PCDHA3: variants seen among roughly 807,000 people sequenced by gnomAD.
The protein encoded by PCDHA3 is protocadherin alpha-3.
A neutral mutation model predicts 62.2 loss-of-function variants in PCDHA3; 41 were observed. The observed-to-expected ratio is 0.66, with a 90% CI of 0.51 to 0.86. The LOEUF is 0.86. PCDHA3 is among the 40% of genes least tolerant of loss of function. The pLI is 0.00. For missense variants in PCDHA3, 1,304 were observed against 1,241.2 expected, an observed-to-expected ratio of 1.05 and a Z score of -0.76; for synonymous variants, 640 against 555.4, an observed-to-expected ratio of 1.15 and a Z score of -2.14.
chr5:140,879,895 G>A (rs1176160335), intron 1 of PCDHA3, among the ~76,000 whole-genome samples: 2 of 152,112 alleles, frequency 1.3e-5, no homozygotes, highest in African/African-American at 4.8e-5. Context: ...TCCTCTCCAT[G>A]TCTCTCTCTA....
intron 1 of PCDHA3, among the ~76,000 whole-genome samples, chr5:140,887,165 C>T (rs1451761224): frequency 1.3e-5 from 2 of 151,306 alleles, no homozygotes; most frequent in Non-Finnish European, 2.9e-5. Flanking sequence ...GGCGTGATCT[C>T]GGCTCACTGC....
At chr5:140,966,267 G>T (rs141363782) in intron 1 of PCDHA3, 112 of 351,092 alleles carry the variant, frequency 3.2e-4, no homozygotes, top group Non-Finnish European at 4.7e-4. Context: ...GAGACTGGAT[G>T]AACTGGACAG....
chr5:140,835,158 A>G, intron 1 of PCDHA3: 1 of 1,455,544 alleles, frequency 6.9e-7, no homozygotes, highest in Non-Finnish European at 9.3e-7. Context: ...TTCTATCGGA[A>G]CGCTGGTGAT....
Position 140,883,704 on chromosome 5 carries a change from C to A in PCDHA3, c.2394+80113C>A, listed in dbSNP as rs782488934. The A allele has an allele frequency of 1.9e-5, 31 of 1,613,628 alleles. 1 individual carries two copies. In the Middle Eastern group the frequency reaches 5.0e-4, roughly 26 times the overall value. ...GGCTGCCACATCTTCACGGTGTCTG[C>A]TCAGGACGCGGACGCACAGGAGAAC... On this transcript the variant is annotated intron_variant, in intron 1 of 3. Transcript: ENST00000522353.
chr5:140,892,536 A>G (rs916916323), intron 1 of PCDHA3, among the ~76,000 whole-genome samples: 1 of 152,208 alleles, frequency 6.6e-6, no homozygotes, highest in African/African-American at 2.4e-5. Flanking sequence ...CAGGATTCTG[A>G]CTTTTGTTTC....
chr5:140,957,581 C>T (rs1396438252), intron 1 of PCDHA3, among the ~76,000 whole-genome samples: 3 of 152,066 alleles, frequency 2.0e-5, no homozygotes, highest in South Asian at 2.1e-4. Flanking sequence ...GTACTTTTAA[C>T]AAAGCACTTC....
chr5:140,966,957 C>T lies in PCDHA3; in HGVS notation c.2395-11992C>T, dbSNP rs868948639. 4 of 1,602,884 alleles carry T rather than the reference C, an allele frequency of 2.5e-6. No individual in the cohort carries two copies. The African/African-American group carries it at 4.0e-5, about 16-fold the overall frequency. ...GCGCTCGTGGGCAACGTGGCTCGCG[C>T]GCTGGGGCTTGAGCTGCGGCGCTTG... On this transcript the variant is annotated intron_variant, in intron 1 of 3. Transcript: ENST00000522353.
chr5:140,823,797 G>T lies in PCDHA3; in HGVS notation c.2394+20206G>T, dbSNP rs2150129232. 3 of 1,613,840 alleles carry T rather than the reference G, an allele frequency of 1.9e-6. No individual in the cohort carries two copies. The South Asian group carries it at 3.3e-5, about 18-fold the overall frequency. ...TGTCGCTGGTGGAAAGTGGCCAGGC[G>T]CCGAAGGCCTCATCGCGGGCGTCGG... On this transcript the variant is annotated intron_variant, in intron 1 of 3. Coordinates refer to ENST00000522353, the MANE Select transcript of PCDHA3 (RefSeq NM_018906.3).
chr5:140,877,233 G>A (rs1554169499), intron 1 of PCDHA3: 2 of 1,613,676 alleles, frequency 1.2e-6, no homozygotes, highest in Non-Finnish European at 8.5e-7. Flanking sequence ...CGGTGGGTGC[G>A]GGCCACGTGG....
At chr5:140,923,983 T>C (rs1180891950) in intron 1 of PCDHA3, among the ~76,000 whole-genome samples, 1 of 152,220 alleles carries the variant, frequency 6.6e-6, no homozygotes, top group African/African-American at 2.4e-5. Context: ...ACTATCCCTC[T>C]AGGTGCAGCT....
chr5:140,835,421 T>C (rs2150235406), intron 1 of PCDHA3: 2 of 1,613,844 alleles, frequency 1.2e-6, no homozygotes, highest in African/African-American at 1.3e-5. Context: ...TAAATGACAA[T>C]GCTCCACAGT....
intron 1 of PCDHA3, chr5:140,870,439 G>T (rs374343977): frequency 6.2e-7 from 1 of 1,614,244 alleles, no homozygotes; most frequent in African/African-American, 1.3e-5. Context: ...GGAGGTGGCC[G>T]ACGTGAACGA....
At chr5:140,906,278 C>A (rs546102354) in intron 1 of PCDHA3, among the ~76,000 whole-genome samples, 1 of 152,152 alleles carries the variant, frequency 6.6e-6, no homozygotes, top group Admixed American at 6.6e-5. Flanking sequence ...AGATAATCTT[C>A]AAATTAAGAC....
intron 1 of PCDHA3, among the ~76,000 whole-genome samples, chr5:140,904,904 C>G (rs1463349424): frequency 6.6e-6 from 1 of 151,948 alleles, no homozygotes; most frequent in Non-Finnish European, 1.5e-5. Context: ...GTTTTTCTTA[C>G]TGATTTGTTT....
intron 1 of PCDHA3, among the ~76,000 whole-genome samples, chr5:140,977,305 AC>A (rs1424604910): frequency 6.6e-6 from 1 of 152,258 alleles, no homozygotes; most frequent in African/African-American, 2.4e-5. Flanking sequence ...TGACAAGCTA[AC>A]GATAGTGCTC....
chr5:140,846,375 T>TC lies in PCDHA3; in HGVS notation c.2394+42784_2394+42785insC, dbSNP rs1272448180. Among the ~76,000 whole-genome samples, 317 of 125,476 alleles carry TC rather than the reference T, an allele frequency of 2.5e-3. 15 individuals carry two copies. The highest frequency in any genetic ancestry group is 0.01 in the African/African-American group (304 of 29,966). The allele number at this position is 125,476 out of a possible 152,430, so 82.3% of individuals were successfully genotyped here. A position where few individuals can be genotyped will look rare whatever the true frequency, so the allele number is the denominator to read the frequency against. On this transcript the variant is annotated intron_variant, in intron 1 of 3. Transcript: ENST00000522353. ...TTTTTCTTTTCTTTTCTTTCTTTCT[T>TC]TTTTTTTTTTTTTTTTTGAGACGGA...
chr5:140,985,021 T>A (rs2097132867), intron 3 of PCDHA3, among the ~76,000 whole-genome samples: 1 of 151,956 alleles, frequency 6.6e-6, no homozygotes, highest in African/African-American at 2.4e-5. Flanking sequence ...CACAGCAACC[T>A]CTGCCTCCTG....
intron 3 of PCDHA3, among the ~76,000 whole-genome samples, chr5:140,998,707 A>G (rs1230153468): frequency 6.6e-6 from 1 of 151,942 alleles, no homozygotes; most frequent in African/African-American, 2.4e-5. Flanking sequence ...TGGGATTACA[A>G]GCTTGCACCA....
chr5:140,915,324 T>G (rs782080439), intron 1 of PCDHA3, among the ~76,000 whole-genome samples: 1 of 152,210 alleles, frequency 6.6e-6, no homozygotes, highest in Non-Finnish European at 1.5e-5. Flanking sequence ...ATTACAGTGT[T>G]ATAATATTCT....
Sources: allele counts gnomAD v4.1 joint callset (sites outside exome capture counted in the v4.1 genomes callset), GRCh38; gene constraint gnomAD v4.1.1; transcripts MANE v1.5; gene names NCBI Gene and HGNC (gene_info 2026-07-23, HGNC 2026-07-21).